The following CADPS2 variants were observed in gnomAD, a reference collection of about 807,000 sequenced individuals.
CADPS2 encodes the protein calcium dependent secretion activator 2.
CADPS2 carries 93 observed loss-of-function variants against 172.5 expected under a neutral mutation model. That is an observed-to-expected ratio of 0.54 (90% CI 0.46 to 0.64). The LOEUF (loss-of-function observed/expected upper bound fraction) is 0.64, where lower values mean the gene tolerates loss of function less well. Among genes scored for constraint, CADPS2 ranks in the 30% least tolerant of loss-of-function variants. The pLI, the probability that CADPS2 is intolerant of heterozygous loss-of-function variation, is 0.00. For missense variants in CADPS2, 1,420 were observed against 1,565.9 expected (o/e 0.91, Z 1.57); for synonymous variants, 546 against 555.2 (o/e 0.98, Z 0.23).
chr7:122,652,116 C>A (rs1383947374), intron 3 of CADPS2, among the ~76,000 whole-genome samples: 2 of 152,150 alleles, frequency 1.3e-5, no homozygotes, highest in Non-Finnish European at 2.9e-5. Flanking sequence ...GTATCCAGAA[C>A]CAGAGATTAA....
At chr7:122,783,594 C>A (rs1033254639) in intron 1 of CADPS2, among the ~76,000 whole-genome samples, 6 of 152,184 alleles carry the variant, frequency 3.9e-5, no homozygotes, top group Non-Finnish European at 7.3e-5. Flanking sequence ...TGTCTGTCCA[C>A]GCTGCTTACA....
At chr7:122,479,939 G>GCTA (rs2057092683) in intron 12 of CADPS2, among the ~76,000 whole-genome samples, 2 of 152,100 alleles carry the variant, frequency 1.3e-5, no homozygotes, top group African/African-American at 4.8e-5. Flanking sequence ...GAAGACAAAT[G>GCTA]CTACTATTCA....
At chr7:122,329,620 T>C (rs537538580) in intron 28 of CADPS2, among the ~76,000 whole-genome samples, 24 of 152,366 alleles carry the variant, frequency 1.6e-4, no homozygotes, top group African/African-American at 5.5e-4. Context: ...ATATTAAATA[T>C]GCACAACTCT....
chr7:122,494,635 G>C (rs1357878846), intron 9 of CADPS2, among the ~76,000 whole-genome samples: 1 of 151,542 alleles, frequency 6.6e-6, no homozygotes, highest in African/African-American at 2.4e-5. Flanking sequence ...TTATTTTATA[G>C]TGTTGAGTTT....
intron 7 of CADPS2, among the ~76,000 whole-genome samples, chr7:122,576,873 C>A (rs972492158): frequency 1.3e-5 from 2 of 151,502 alleles, no homozygotes; most frequent in Non-Finnish European, 2.9e-5. Context: ...GATTCTCCTG[C>A]CTTAGCCTCC....
intron 2 of CADPS2, among the ~76,000 whole-genome samples, chr7:122,682,010 C>T (rs1021963942): frequency 1.4e-4 from 22 of 151,976 alleles, no homozygotes; most frequent in African/African-American, 5.1e-4. Flanking sequence ...CTTTTTTCTT[C>T]TAATATCAGC....
At chr7:122,670,458 C>T (rs1246346933) in intron 2 of CADPS2, among the ~76,000 whole-genome samples, 1 of 151,928 alleles carries the variant, frequency 6.6e-6, no homozygotes, top group Non-Finnish European at 1.5e-5. Flanking sequence ...GTAGTCCCAG[C>T]CACTCGGGAG....
At chr7:122,493,645 C>G (rs985047262) in intron 9 of CADPS2, among the ~76,000 whole-genome samples, 4 of 151,664 alleles carry the variant, frequency 2.6e-5, no homozygotes, top group African/African-American at 9.7e-5. Context: ...CTATGATATA[C>G]TTACGTTTTA....
At chr7:122,821,384 T>C (rs865940895) in intron 1 of CADPS2, among the ~76,000 whole-genome samples, 3 of 152,202 alleles carry the variant, frequency 2.0e-5, no homozygotes, top group Non-Finnish European at 4.4e-5. Context: ...GTGTTCCATC[T>C]GCTATTCTAC....
chr7:122,884,223 A>G (rs1196798081), intron 1 of CADPS2, among the ~76,000 whole-genome samples: 3 of 152,224 alleles, frequency 2.0e-5, no homozygotes, highest in Admixed American at 2.0e-4. Context: ...TAGAGACTGG[A>G]TGATATGAAC....
intron 7 of CADPS2, among the ~76,000 whole-genome samples, chr7:122,557,091 A>C (rs2065123137): frequency 6.6e-6 from 1 of 152,140 alleles, no homozygotes; most frequent in South Asian, 2.1e-4. Context: ...ACGTGTAACA[A>C]GGGGAGGTCC....
intron 6 of CADPS2, among the ~76,000 whole-genome samples, chr7:122,584,027 T>C (rs1587579203): frequency 1.3e-5 from 2 of 151,722 alleles, no homozygotes; most frequent in East Asian, 3.9e-4. Flanking sequence ...AAAAAAATAC[T>C]AGAATGAGTA....
At chr7:122,763,539 G>A (rs575804191) in intron 1 of CADPS2, among the ~76,000 whole-genome samples, 4 of 152,214 alleles carry the variant, frequency 2.6e-5, no homozygotes, top group East Asian at 1.9e-4. Context: ...CATATCCATC[G>A]TCAAAATGGA....
chr7:122,645,142 G>A (rs1328035259), intron 3 of CADPS2, among the ~76,000 whole-genome samples: 1 of 150,408 alleles, frequency 6.6e-6, no homozygotes, highest in African/African-American at 2.4e-5. Context: ...CATAAAAACC[G>A]TGGGACTTCT....
At chr7:122,598,317 G>A (rs1254614424) in intron 6 of CADPS2, among the ~76,000 whole-genome samples, 1 of 147,512 alleles carries the variant, frequency 6.8e-6, no homozygotes, top group African/African-American at 2.7e-5. Context: ...TTTTAAATGA[G>A]AGTATTATAA....
chr7:122,609,863 G>C (rs1168944583), intron 6 of CADPS2, among the ~76,000 whole-genome samples: 2 of 152,128 alleles, frequency 1.3e-5, no homozygotes, highest in Non-Finnish European at 2.9e-5. Flanking sequence ...TTTGGAAAAC[G>C]TGTCTGAGAC....
At chr7:122,432,855 T>G (rs2050136772) in intron 17 of CADPS2, among the ~76,000 whole-genome samples, 1 of 151,946 alleles carries the variant, frequency 6.6e-6, no homozygotes, top group Admixed American at 6.6e-5. Flanking sequence ...TTCTTTCACA[T>G]GTAATTGATA....
intron 25 of CADPS2, chr7:122,369,667 A>G (rs992112155): frequency 5.9e-5 from 9 of 152,288 alleles, no homozygotes; most frequent in African/African-American, 1.4e-4. Context: ...AACATGTCCA[A>G]TACTGACATC....
At chr7:122,591,030 TC>T (rs982632378) in intron 6 of CADPS2, among the ~76,000 whole-genome samples, 8 of 151,518 alleles carry the variant, frequency 5.3e-5, no homozygotes, top group African/African-American at 1.7e-4. Flanking sequence ...TATAAAAGTA[TC>T]TGAAATTCCA....
Sources: allele counts gnomAD v4.1 joint callset (sites outside exome capture counted in the v4.1 genomes callset), GRCh38; gene constraint gnomAD v4.1.1; transcripts MANE v1.5; gene names NCBI Gene and HGNC (gene_info 2026-07-23, HGNC 2026-07-21).